ATL2: variants seen among roughly 807,000 people sequenced by gnomAD.
The protein encoded by ATL2 is atlastin GTPase 2, also known as atlastin-2.
In ATL2, 31 loss-of-function variants were observed where a neutral mutation model predicts 73.9. The ratio of observed to expected loss-of-function variants is 0.42; its 90% confidence interval spans 0.32 to 0.57. The LOEUF (loss-of-function observed/expected upper bound fraction) is 0.57. Ranked by LOEUF, ATL2 falls within the 20% of genes least tolerant of loss-of-function variation. ATL2 has a pLI of 0.14. For missense variants in ATL2, 738 were observed against 702.6 expected (o/e 1.05, Z -0.57); for synonymous variants, 291 against 237.5 (o/e 1.23, Z -2.07).
chr2:38,377,366 C>T (rs563360034), upstream of ATL2: 5 of 851,290 alleles, frequency 5.9e-6, no homozygotes, highest in African/African-American at 6.0e-5. Flanking sequence ...GCGCCGCTCT[C>T]CGCCTGTATC....
chr2:38,357,607 G>A lies in ATL2; in HGVS notation c.119-14095C>T, dbSNP rs545991888. Among the ~76,000 whole-genome samples, 398 of 124,040 alleles carry A rather than the reference G, an allele frequency of 3.2e-3. 1 individual carries two copies. Among genetic ancestry groups the A allele is most frequent in the Non-Finnish European group, 5.1e-3 (328 of 64,434 alleles). The allele number at this position is 124,040 out of a possible 152,430, so 81.4% of individuals were successfully genotyped here. On this transcript the variant is annotated intron_variant, in intron 1 of 12. Coordinates refer to ENST00000378954, the MANE Select transcript of ATL2 (RefSeq NM_001135673.4). ...GCGGAGCTTGCAGTGAGCCAAGATC[G>A]CACCACTGCACTCCAGCCTGCGTGA...
chr2:38,315,971 AAAGGAGGGTC>A (rs1668006866), intron 4 of ATL2, among the ~76,000 whole-genome samples: 1 of 152,230 alleles, frequency 6.6e-6, no homozygotes, highest in Non-Finnish European at 1.5e-5. Flanking sequence ...TAGAGTTGAT[AAAGGAGGGTC>A]TAAGTATCCT....
intron 7 of ATL2, among the ~76,000 whole-genome samples, chr2:38,310,827 G>A (rs1667719528): frequency 6.6e-6 from 1 of 151,736 alleles, no homozygotes; most frequent in Non-Finnish European, 1.5e-5. Flanking sequence ...AGTAGAGACA[G>A]GGTTGGTCAG....
At chr2:38,297,387 G>C (rs1298914929) in intron 12 of ATL2, among the ~76,000 whole-genome samples, 1 of 152,128 alleles carries the variant, frequency 6.6e-6, no homozygotes, top group Non-Finnish European at 1.5e-5. Context: ...TCTGGTCCTT[G>C]ACATGATGTT....
intron 7 of ATL2, among the ~76,000 whole-genome samples, chr2:38,311,830 TTTC>T (rs997974263): frequency 2.2e-4 from 33 of 152,232 alleles, no homozygotes; most frequent in African/African-American, 7.7e-4. Flanking sequence ...GTTTAAAAAC[TTTC>T]TTGTCTTTGA....
chr2:38,377,251 C>T lies in ATL2; in HGVS notation c.10G>A (p.Gly4Arg), dbSNP rs1327031975. ...TGCTGCCCTCGCGCTGCCTCGTCCCCCTCCGCCATCTTGTACCGATTTAAA... is the reference window on the plus strand; with the variant it reads ...TGCTGCCCTCGCGCTGCCTCGTCCCTCTCCGCCATCTTGTACCGATTTAAA... Reference protein sequence around the residue: MAEGDEAARGQQPH... With the variant: MAERDEAARGQQPH... The change falls in exon 1 of 13, where the codon GGG (glycine) becomes AGG (arginine). Residue 4 changes from glycine (G) to arginine (R), a missense_variant. By Grantham distance (125) the Gly-to-Arg change is moderately radical. Coordinates refer to ENST00000378954, the MANE Select transcript of ATL2 (RefSeq NM_001135673.4). The T allele has an allele frequency of 1.9e-6, 3 of 1,587,254 alleles. No homozygotes were observed. Among genetic ancestry groups the T allele is most frequent in the Admixed American group, 1.8e-5 (1 of 56,008 alleles).
At chr2:38,376,254 A>G in intron 1 of ATL2, 2 of 1,425,734 alleles carry the variant, frequency 1.4e-6, no homozygotes, top group African/African-American at 1.4e-5. Flanking sequence ...TCCTATAAAT[A>G]GGGGTGTTAT....
chr2:38,338,271 C>T (rs1345006348), intron 2 of ATL2, among the ~76,000 whole-genome samples: 4 of 151,976 alleles, frequency 2.6e-5, no homozygotes, highest in African/African-American at 7.3e-5. Context: ...CTCACGTACA[C>T]AAAGATGGCA....
intron 1 of ATL2, among the ~76,000 whole-genome samples, chr2:38,374,472 T>G (rs565147091): frequency 6.6e-6 from 1 of 152,252 alleles, no homozygotes; most frequent in East Asian, 1.9e-4. Flanking sequence ...GCTGCTTCCC[T>G]GCACCTATCT....
At chr2:38,297,535 T>C (rs1360901606) in intron 12 of ATL2, among the ~76,000 whole-genome samples, 4 of 152,194 alleles carry the variant, frequency 2.6e-5, no homozygotes, top group Non-Finnish European at 5.9e-5. Context: ...GGGCTTTGAA[T>C]TCTGGTTCGA....
intron 1 of ATL2, chr2:38,354,254 C>A (rs1670533576): frequency 3.1e-6 from 1 of 323,062 alleles, no homozygotes; most frequent in South Asian, 2.3e-5. Flanking sequence ...GTTCTTCAGG[C>A]TGAAATGAAA....
intron 9 of ATL2, among the ~76,000 whole-genome samples, chr2:38,300,711 G>C (rs770343735): frequency 4.6e-5 from 7 of 151,862 alleles, no homozygotes; most frequent in Non-Finnish European, 1.0e-4. Context: ...AGTGCAGTGG[G>C]ATGATCACAG....
chr2:38,357,973 C>T (rs17492358), intron 1 of ATL2, among the ~76,000 whole-genome samples: 5,309 of 152,232 alleles, frequency 0.035, 146 homozygotes, highest in Middle Eastern at 0.11. Context: ...AGTGTTATTT[C>T]CTCCACAGCA....
chr2:38,373,909 G>C (rs895860645), intron 1 of ATL2, among the ~76,000 whole-genome samples: 1 of 152,128 alleles, frequency 6.6e-6, no homozygotes, highest in African/African-American at 2.4e-5. Context: ...TTTTATGGGG[G>C]AGACAGAGTT....
At chr2:38,337,746 T>C (rs1028909524) in intron 2 of ATL2, among the ~76,000 whole-genome samples, 20 of 152,100 alleles carry the variant, frequency 1.3e-4, no homozygotes, top group African/African-American at 3.6e-4. Flanking sequence ...CTAAAAATTG[T>C]TTAGTATATG....
At chr2:38,320,510 C>T (rs1461630266) in intron 2 of ATL2, among the ~76,000 whole-genome samples, 1 of 152,054 alleles carries the variant, frequency 6.6e-6, no homozygotes, top group Non-Finnish European at 1.5e-5. Flanking sequence ...AAGTTTTTAA[C>T]TAGAACCACA....
In ATL2 at chr2:38,298,184, C is replaced by G; in HGVS notation, c.1592G>C (p.Gly531Ala). 1.9e-6 allele frequency: 3 copies of G among 1,613,846 alleles called. No individual in the cohort carries two copies. Among genetic ancestry groups the G allele is most frequent in the Non-Finnish European group, 2.5e-6 (3 of 1,179,896 alleles). ...VKYSGEFREI[G>A]TVIDQIAETL... The stretch of plus-strand genomic sequence containing the variant: ...TTCAGCAATCTGATCAATCACTGTT[C>G]CAATTTCTCTGAACTCCCCAGAGTA... The change falls in exon 12 of 13, where the codon GGA (glycine) becomes GCA (alanine). Residue 531 changes from glycine (G) to alanine (A), a missense_variant. Transcript: ENST00000378954.
upstream of ATL2, among the ~76,000 whole-genome samples, chr2:38,377,604 A>T (rs1558471406): frequency 6.6e-6 from 1 of 151,324 alleles, no homozygotes; most frequent in Non-Finnish European, 1.5e-5. Context: ...GCGCTGGGCC[A>T]GGCTCTGCAA....
intron 9 of ATL2, among the ~76,000 whole-genome samples, chr2:38,306,602 A>G (rs1036237074): frequency 1.4e-4 from 22 of 152,226 alleles, no homozygotes; most frequent in African/African-American, 5.3e-4. Context: ...TCAATCAGTC[A>G]GTCAATGAGT....
Sources: allele counts gnomAD v4.1 joint callset (sites outside exome capture counted in the v4.1 genomes callset), GRCh38; gene constraint gnomAD v4.1.1; transcripts MANE v1.5; gene names NCBI Gene and HGNC (gene_info 2026-07-23, HGNC 2026-07-21).